Variants in ENTREP3 observed in about 807,000 individuals in gnomAD.
ENTREP3 encodes endosomal transmembrane epsin interactor 3, also known as protein ENTREP3.
chr1:155,251,381 A>G, the ENTREP3 span: 5 of 760,018 alleles, frequency 6.6e-6, no homozygotes, highest in African/African-American at 7.1e-5. Context: ...AACAGTGGGC[A>G]TGCTGGTGCT....
the ENTREP3 span, chr1:155,254,089 A>G: frequency 6.2e-7 from 1 of 1,614,046 alleles, no homozygotes; most frequent in Non-Finnish European, 8.5e-7. This position sits in a 1 kb window ranked among gnomAD's most constrained non-coding sequence, Gnocchi z 4.4. Context: ...CTCACCAGAG[A>G]GCACTGTTGG....
chr1:155,251,247 C>G, the ENTREP3 span: 18 of 1,120,680 alleles, frequency 1.6e-5, no homozygotes, highest in Non-Finnish European at 2.3e-5. Flanking sequence ...GACTTAGATT[C>G]CAGACCAGCC....
chr1:155,250,738 G>C, the ENTREP3 span: 1 of 1,613,024 alleles, frequency 6.2e-7, no homozygotes, highest in South Asian at 1.1e-5. This position sits in a 1 kb window ranked among gnomAD's most constrained non-coding sequence, Gnocchi z 5.4. Flanking sequence ...TGCAGCTCCA[G>C]CAGGCACGAG....
the ENTREP3 span, chr1:155,254,359 G>A: frequency 2.5e-6 from 4 of 1,606,692 alleles, no homozygotes; most frequent in Middle Eastern, 1.7e-4. The surrounding 1 kb of genome is among the most constrained non-coding windows in gnomAD (Gnocchi z 4.4). Flanking sequence ...CTTGCGTGCT[G>A]GGCACCTGCC....
the ENTREP3 span, chr1:155,250,428 G>GC: frequency 1.4e-6 from 2 of 1,389,860 alleles, no homozygotes; most frequent in Non-Finnish European, 1.9e-6. The surrounding 1 kb of genome is among the most constrained non-coding windows in gnomAD (Gnocchi z 5.4). Flanking sequence ...GGTGGGCGGG[G>GC]CTGCGGCTGG....
chr1:155,247,723 C>G, the ENTREP3 span: 1 of 1,429,330 alleles, frequency 7.0e-7, no homozygotes, highest in East Asian at 2.5e-5. Flanking sequence ...CTGGGGGCTG[C>G]TGGTCCCAAC....
the ENTREP3 span, chr1:155,251,778 T>C: frequency 1.2e-6 from 2 of 1,606,012 alleles, no homozygotes; most frequent in Non-Finnish European, 1.7e-6. Context: ...TGGGGGATAG[T>C]AGGGCGGTGG....
At chr1:155,250,059 C>CA in the ENTREP3 span, among the ~76,000 whole-genome samples, 979 of 125,878 alleles carry the variant, frequency 7.8e-3, 9 homozygotes, top group East Asian at 0.027. This position sits in a 1 kb window ranked among gnomAD's most constrained non-coding sequence, Gnocchi z 5.4. Flanking sequence ...GACTCCGTCT[C>CA]AAAAAAAAAA....
the ENTREP3 span, chr1:155,251,902 C>T: frequency 7.0e-7 from 1 of 1,431,076 alleles, no homozygotes; most frequent in Non-Finnish European, 9.1e-7. Context: ...CGCTCAGGGG[C>T]CAGCTGCTGG....
chr1:155,254,383 T>C, the ENTREP3 span: 1 of 1,613,880 alleles, frequency 6.2e-7, no homozygotes, highest in Non-Finnish European at 8.5e-7. This position sits in a 1 kb window ranked among gnomAD's most constrained non-coding sequence, Gnocchi z 4.4. Flanking sequence ...CAGTGGGCAC[T>C]GGACCCTGGC....
the ENTREP3 span, among the ~76,000 whole-genome samples, chr1:155,249,997 G>A: frequency 6.6e-6 from 1 of 151,804 alleles, no homozygotes; most frequent in South Asian, 2.1e-4. Context: ...GAAACGGGTT[G>A]CAGTGAGCCA....
the ENTREP3 span, chr1:155,252,078 C>T: frequency 2.0e-6 from 1 of 503,940 alleles, no homozygotes; most frequent in Non-Finnish European, 3.4e-6. Flanking sequence ...CCACGCTCAC[C>T]CTGTACCTCT....
chr1:155,250,603 G>T, the ENTREP3 span: 1 of 1,608,124 alleles, frequency 6.2e-7, no homozygotes, highest in Non-Finnish European at 8.5e-7. The surrounding 1 kb of genome is among the most constrained non-coding windows in gnomAD (Gnocchi z 5.4). Flanking sequence ...GCCCGTGGGG[G>T]GCGCCGTGGC....
chr1:155,247,323 T>C, the ENTREP3 span: 5 of 458,524 alleles, frequency 1.1e-5, no homozygotes, highest in Admixed American at 9.5e-5. Context: ...TTACATAGCT[T>C]GCCCAAGGTC....
chr1:155,251,783 C>T, the ENTREP3 span: 12 of 1,600,514 alleles, frequency 7.5e-6, no homozygotes, highest in East Asian at 4.5e-5. Context: ...GATAGTAGGG[C>T]GGTGGGGGCA....
At chr1:155,254,108 G>C in the ENTREP3 span, 1 of 1,614,060 alleles carries the variant, frequency 6.2e-7, no homozygotes, top group Non-Finnish European at 8.5e-7. The surrounding 1 kb of genome is among the most constrained non-coding windows in gnomAD (Gnocchi z 4.4). Flanking sequence ...GGAAGTCTCG[G>C]GCCAGTTGAG....
chr1:155,247,985 C>G, the ENTREP3 span: 2 of 1,610,450 alleles, frequency 1.2e-6, no homozygotes, highest in Middle Eastern at 3.3e-4. Context: ...AGGGCATCAT[C>G]AATAAGGCTC....
chr1:155,249,258 T>A, the ENTREP3 span, among the ~76,000 whole-genome samples: 1 of 151,330 alleles, frequency 6.6e-6, no homozygotes, highest in East Asian at 2.0e-4. Flanking sequence ...ACCTGGCTAA[T>A]TTTTGTATTT....
chr1:155,250,537 TG>T, the ENTREP3 span: 1 of 1,556,312 alleles, frequency 6.4e-7, no homozygotes. The surrounding 1 kb of genome is among the most constrained non-coding windows in gnomAD (Gnocchi z 5.4). Flanking sequence ...CGGGCAGCTG[TG>T]GGGGCACCCA....
Sources: allele counts gnomAD v4.1 joint callset (sites outside exome capture counted in the v4.1 genomes callset), GRCh38; gene constraint gnomAD v4.1.1; non-coding constraint Gnocchi (gnomAD v3.1); transcripts MANE v1.5; gene names NCBI Gene and HGNC (gene_info 2026-07-23, HGNC 2026-07-21).